Variants in LRGUK observed in about 807,000 individuals in gnomAD.
The protein encoded by LRGUK is leucine rich repeats and guanylate kinase domain containing, also known as leucine-rich repeat and guanylate kinase domain-containing protein.
LRGUK carries 65 observed loss-of-function variants against 76.0 expected under a neutral mutation model. The ratio of observed to expected loss-of-function variants is 0.85; its 90% CI spans 0.70 to 1.05. The LOEUF (loss-of-function observed/expected upper bound fraction) is 1.05. Among genes scored for constraint, LRGUK ranks in the 50% least tolerant of loss-of-function variants. The pLI is 0.00. For missense variants in LRGUK, 758 were observed against 732.8 expected (o/e 1.03, Z -0.40); for synonymous variants, 268 against 265.6 (o/e 1.01, Z -0.09).
rs763829520 is a variant in LRGUK, at chr7:134,147,652, G to A, written c.589-586G>A. Reference sequence around the variant, plus strand: ...GAAATTTAAAATAAATGCTAAAAGTGGAGAGCGTGGCTGCAGGAATTGAAA... The same window carrying A: ...GAAATTTAAAATAAATGCTAAAAGTAGAGAGCGTGGCTGCAGGAATTGAAA... On this transcript the variant is annotated intron_variant, in intron 4 of 15. Transcript: ENST00000645682. Among the ~76,000 whole-genome samples, 3 of 152,118 alleles carry A rather than the reference G, an allele frequency of 2.0e-5. No individual in the cohort carries two copies. In the East Asian group the frequency reaches 5.8e-4, roughly 29 times the overall value.
chr7:134,221,886 T>G, exon 16 of LRGUK: 1 of 1,595,704 alleles, frequency 6.3e-7, no homozygotes, highest in Admixed American at 1.8e-5. Context: ...CATTAAATTT[T>G]GGGCCAAACT....
At chr7:134,237,895 A>G (rs1022701190) in intron 16 of LRGUK, among the ~76,000 whole-genome samples, 2 of 152,216 alleles carry the variant, frequency 1.3e-5, no homozygotes, top group African/African-American at 4.8e-5. Flanking sequence ...GAGAACCCTA[A>G]TTCTGAAAGA....
chr7:134,247,506 T>G lies in LRGUK; in HGVS notation c.1984-50T>G, dbSNP rs760269710. ...AGAATTATTATAGATGTTTTAATCA[T>G]CTGACATTTTTAACATCAATGCAAT... On this transcript the variant is annotated intron_variant, in intron 16 of 19. Transcript: ENST00000285928. 2.3e-6 allele frequency: 3 copies of G among 1,300,994 alleles called. No individual in the cohort carries two copies. In the South Asian group the frequency reaches 3.6e-5, roughly 16 times the overall value. The allele number at this position is 1,300,994 out of a possible 1,614,324, so 80.6% of individuals were successfully genotyped here.
rs980754527 is a variant in LRGUK, at chr7:134,207,539, G to T, written c.1844-1168G>T. Among the ~76,000 whole-genome samples the T allele has an allele frequency of 3.9e-5, 6 of 152,060 alleles. No individual in the cohort carries two copies. The East Asian group carries it at 1.2e-3, about 29-fold the overall frequency. On this transcript the variant is annotated intron_variant, in intron 15 of 15. Coordinates refer to ENST00000645682, the Ensembl canonical transcript of LRGUK. ...GCCTTTCTTTGTTCCCACCTGTCCC[G>T]CCCTCTCCCTAGAGAACACCGGTTT...
chr7:134,256,419 A>G (rs1000750689), intron 18 of LRGUK, among the ~76,000 whole-genome samples: 8 of 145,796 alleles, frequency 5.5e-5, no homozygotes, highest in African/African-American at 2.1e-4. Flanking sequence ...AGATGGCGCC[A>G]TTGCACTCCA....
chr7:134,146,897 G>C (rs1797992573), intron 4 of LRGUK, among the ~76,000 whole-genome samples: 2 of 152,126 alleles, frequency 1.3e-5, no homozygotes, highest in Admixed American at 1.3e-4. Context: ...AATGTACCCA[G>C]CAAATTATGA....
At chr7:134,186,211 G>A (rs1419052827) in intron 11 of LRGUK, among the ~76,000 whole-genome samples, 1 of 152,160 alleles carries the variant, frequency 6.6e-6, no homozygotes, top group African/African-American at 2.4e-5. Context: ...TACTTTGTTG[G>A]ATATGTTTTT....
chr7:134,209,154 C>T (rs1585558994), exon 16 of LRGUK: 4 of 399,376 alleles, frequency 1.0e-5, no homozygotes, highest in Non-Finnish European at 1.8e-5. Context: ...TCCCCTCCCT[C>T]GTCCCGCAGC....
chr7:134,163,388 C>A lies in LRGUK; in HGVS notation c.796-9C>A. ...TTTGAGACATTAAATATATTTTTTT[C>A]TGTTTTAGAGCAATAACCAGATTGA... On this transcript the variant is annotated splice_polypyrimidine_tract_variant and intron_variant, in intron 6 of 15. Coordinates refer to ENST00000645682, the Ensembl canonical transcript of LRGUK. The A allele has an allele frequency of 6.3e-7, 1 of 1,591,198 alleles. No individual in the cohort carries two copies. Among genetic ancestry groups the A allele is most frequent in the Non-Finnish European group, 8.6e-7 (1 of 1,169,040 alleles).
intron 7 of LRGUK, among the ~76,000 whole-genome samples, chr7:134,164,665 T>G (rs1798895734): frequency 6.6e-6 from 1 of 152,076 alleles, no homozygotes; most frequent in African/African-American, 2.4e-5. Flanking sequence ...AAAGGGACAG[T>G]TGGTGCCAGC....
At chr7:134,276,058 G>A in the LRGUK span, among the ~76,000 whole-genome samples, 3 of 152,320 alleles carry the variant, frequency 2.0e-5, no homozygotes, top group African/African-American at 7.2e-5. Flanking sequence ...CAATTGCTCA[G>A]AAGCAGCACA....
intron 16 of LRGUK, among the ~76,000 whole-genome samples, chr7:134,240,253 C>G (rs1214916356): frequency 1.3e-5 from 2 of 152,168 alleles, no homozygotes; most frequent in Non-Finnish European, 2.9e-5. Flanking sequence ...ACAAACTTCT[C>G]CAAGCTAAAG....
intron 15 of LRGUK, among the ~76,000 whole-genome samples, chr7:134,203,257 A>G (rs76349412): frequency 6.6e-6 from 1 of 152,082 alleles, no homozygotes; most frequent in Non-Finnish European, 1.5e-5. Context: ...TTGCCACCAT[A>G]GTAAGTTTTA....
downstream of LRGUK, among the ~76,000 whole-genome samples, chr7:134,267,924 T>C (rs532958352): frequency 8.0e-6 from 1 of 125,454 alleles, no homozygotes; most frequent in South Asian, 2.9e-4. Context: ...GAATCTAAAA[T>C]TAAAAAAAAA....
chr7:134,196,261 T>G (rs543033334), intron 12 of LRGUK, among the ~76,000 whole-genome samples: 1 of 152,066 alleles, frequency 6.6e-6, no homozygotes, highest in Admixed American at 6.6e-5. Flanking sequence ...AAAGAAAAAA[T>G]CACAGACAAT....
At chr7:134,175,116 A>T (rs1249701270) in intron 8 of LRGUK, among the ~76,000 whole-genome samples, 2 of 152,214 alleles carry the variant, frequency 1.3e-5, no homozygotes, top group Non-Finnish European at 2.9e-5. Context: ...TATATGTGAA[A>T]TAATTATAGA....
At chr7:134,228,856 T>C (rs1407292445) in intron 16 of LRGUK, among the ~76,000 whole-genome samples, 1 of 152,112 alleles carries the variant, frequency 6.6e-6, no homozygotes, top group African/African-American at 2.4e-5. Flanking sequence ...GATTAGGAAA[T>C]GTATTACTTT....
chr7:134,208,980 C>T (rs1009856117), exon 16 of LRGUK: 4 of 399,018 alleles, frequency 1.0e-5, no homozygotes, highest in African/African-American at 8.2e-5. Flanking sequence ...CTGGGTCTTC[C>T]TCAGCAGGCC....
At chr7:134,164,709 G>A (rs1798897089) in intron 7 of LRGUK, among the ~76,000 whole-genome samples, 1 of 152,278 alleles carries the variant, frequency 6.6e-6, no homozygotes, top group Admixed American at 6.5e-5. Flanking sequence ...GGATCTTGCT[G>A]TGTTCTGCTG....
Sources: allele counts gnomAD v4.1 joint callset (sites outside exome capture counted in the v4.1 genomes callset), GRCh38; gene constraint gnomAD v4.1.1; transcripts MANE v1.5; gene names NCBI Gene and HGNC (gene_info 2026-07-23, HGNC 2026-07-21).